Variants in DNM3 observed in about 807,000 individuals in gnomAD.
DNM3 encodes the protein dynamin-3.
In DNM3, 47 loss-of-function variants were observed where a neutral mutation model predicts 101.6. The ratio of observed to expected loss-of-function variants is 0.46; its 90% CI spans 0.37 to 0.59. DNM3 has a LOEUF of 0.59. Among genes scored for constraint, DNM3 ranks in the 20% least tolerant of loss-of-function variants. The pLI is 0.00. For synonymous variants in DNM3, 385 were observed against 387.9 expected (o/e 0.99, Z 0.09); for missense variants, 849 against 1,085.7 (o/e 0.78, Z 3.06).
intron 14 of DNM3, among the ~76,000 whole-genome samples, chr1:172,241,102 C>G (rs1448683536): frequency 6.6e-6 from 1 of 151,290 alleles, no homozygotes; most frequent in South Asian, 2.1e-4. Flanking sequence ...ATTTTTTTTT[C>G]TGTTCTACTA....
intron 15 of DNM3, among the ~76,000 whole-genome samples, chr1:172,301,278 G>C (rs897147951): frequency 6.6e-6 from 1 of 152,224 alleles, no homozygotes; most frequent in African/African-American, 2.4e-5. Flanking sequence ...GAGGCAGGAG[G>C]ATAGCTTGAG....
intron 11 of DNM3, among the ~76,000 whole-genome samples, chr1:172,080,361 G>A (rs2125984461): frequency 6.6e-6 from 1 of 152,288 alleles, no homozygotes. Flanking sequence ...GACTACAGCA[G>A]CTTTGTTGAA....
intron 9 of DNM3, among the ~76,000 whole-genome samples, chr1:172,046,852 G>A (rs2049851842): frequency 6.6e-6 from 1 of 151,996 alleles, no homozygotes; most frequent in African/African-American, 2.4e-5. Context: ...CATTTTTTGG[G>A]GTCATACAGT....
chr1:172,071,364 G>T (rs1029696793), intron 11 of DNM3, among the ~76,000 whole-genome samples: 3 of 151,856 alleles, frequency 2.0e-5, no homozygotes, highest in Non-Finnish European at 2.9e-5. Context: ...AAAGCTGGTA[G>T]TGGTCACCTC....
chr1:172,329,438 C>A (rs963874), intron 17 of DNM3, among the ~76,000 whole-genome samples: 81,400 of 151,812 alleles, frequency 0.54, 22,478 homozygotes, highest in Middle Eastern at 0.68. Flanking sequence ...ACTATACAGG[C>A]TACAACCAAT....
chr1:171,964,801 G>A (rs527966329), intron 2 of DNM3, among the ~76,000 whole-genome samples: 5 of 151,812 alleles, frequency 3.3e-5, no homozygotes, highest in East Asian at 3.9e-4. Flanking sequence ...CAAGAGGGGC[G>A]AAAAGGCTTT....
chr1:172,117,182 G>T (rs1366367106), intron 13 of DNM3, among the ~76,000 whole-genome samples: 1 of 150,414 alleles, frequency 6.6e-6, no homozygotes, highest in African/African-American at 2.5e-5. Context: ...TCCAGCCTGG[G>T]CAACAAGAGC....
At chr1:172,264,247 A>G (rs945431913) in intron 15 of DNM3, among the ~76,000 whole-genome samples, 2 of 152,252 alleles carry the variant, frequency 1.3e-5, no homozygotes, top group Non-Finnish European at 2.9e-5. Flanking sequence ...CAAAGGCAAG[A>G]TGAGCCCTAG....
chr1:172,145,678 C>T (rs1466294919), intron 14 of DNM3, among the ~76,000 whole-genome samples: 2 of 152,168 alleles, frequency 1.3e-5, no homozygotes, highest in Non-Finnish European at 2.9e-5. Context: ...TTGTTTGAAG[C>T]ATCCACTACG....
intron 1 of DNM3, among the ~76,000 whole-genome samples, chr1:171,848,901 T>C (rs1339273924): frequency 6.6e-6 from 1 of 152,204 alleles, no homozygotes; most frequent in East Asian, 1.9e-4. Flanking sequence ...TTGCTTTAGA[T>C]CTTGTTTTTC....
downstream of DNM3, among the ~76,000 whole-genome samples, chr1:172,414,307 C>T (rs931332510): frequency 2.0e-5 from 3 of 152,172 alleles, no homozygotes; most frequent in African/African-American, 7.2e-5. Flanking sequence ...AAAACTACAA[C>T]CTTAATTCAA....
In DNM3 at chr1:172,083,661, G is replaced by A. The variant is rs113003543; in HGVS notation, c.1493+1759G>A. ...CAAATTTAAACATATTATATAACCC[G>A]TGCTTCAATTTAAATTTCACCTTTA... On this transcript the variant is annotated intron_variant, in intron 12 of 20. Coordinates refer to ENST00000627582, the MANE Select transcript of DNM3 (RefSeq NM_015569.5). Among the ~76,000 whole-genome samples the A allele has an allele frequency of 7.1e-3, 1,086 of 152,152 alleles. 20 individuals carry two copies. Among genetic ancestry groups the A allele is most frequent in the African/African-American group, 0.025 (1,027 of 41,518 alleles).
At chr1:172,081,445 A>G (rs1003866381) in intron 11 of DNM3, among the ~76,000 whole-genome samples, 7 of 152,220 alleles carry the variant, frequency 4.6e-5, no homozygotes, top group Admixed American at 4.6e-4. Flanking sequence ...GTCTACAGGA[A>G]CAGTAAGCTC....
At chr1:172,354,400 G>C (rs990810852) in intron 17 of DNM3, among the ~76,000 whole-genome samples, 1 of 152,058 alleles carries the variant, frequency 6.6e-6, no homozygotes, top group Non-Finnish European at 1.5e-5. Context: ...GAGAGGCCAG[G>C]CTCCTCCCCA....
intron 17 of DNM3, among the ~76,000 whole-genome samples, chr1:172,368,548 A>C (rs1435072386): frequency 1.3e-5 from 2 of 151,964 alleles, no homozygotes; most frequent in Non-Finnish European, 2.9e-5. Flanking sequence ...TAAACAACTT[A>C]ATGATGCACT....
chr1:171,877,656 G>T (rs547446914), intron 1 of DNM3, among the ~76,000 whole-genome samples: 1 of 152,268 alleles, frequency 6.6e-6, no homozygotes, highest in Non-Finnish European at 1.5e-5. Flanking sequence ...CAAGAATGGG[G>T]TTATATTGCC....
At chr1:171,884,787 T>C (rs1283466710) in intron 1 of DNM3, among the ~76,000 whole-genome samples, 2 of 152,208 alleles carry the variant, frequency 1.3e-5, no homozygotes, top group Non-Finnish European at 2.9e-5. Flanking sequence ...TATCCTTTAA[T>C]GTACAAGAAC....
chr1:172,360,034 T>C (rs565591510), intron 17 of DNM3, among the ~76,000 whole-genome samples: 1 of 152,202 alleles, frequency 6.6e-6, no homozygotes, highest in South Asian at 2.1e-4. Context: ...CTATTTAGTC[T>C]ACTTTAGCAC....
intron 2 of DNM3, among the ~76,000 whole-genome samples, chr1:171,967,268 G>C (rs2043655770): frequency 6.6e-6 from 1 of 152,050 alleles, no homozygotes; most frequent in Non-Finnish European, 1.5e-5. Context: ...GATGTGACTT[G>C]GTATGGTGAA....
Sources: gnomAD v4.1 joint callset for allele counts (sites outside exome capture counted in the v4.1 genomes callset) on GRCh38, gnomAD v4.1.1 for gene constraint, MANE v1.5 for transcripts, NCBI Gene and HGNC (gene_info 2026-07-23, HGNC 2026-07-21) for gene names.